HMGB1: variants seen among roughly 807,000 people sequenced by gnomAD.
HMGB1 encodes high mobility group protein B1.
For missense variants in HMGB1, 79 were observed against 253.5 expected (o/e 0.31, Z 4.67); for synonymous variants, 81 against 84.0 (o/e 0.96, Z 0.19).
chr13:30,591,780 C>T (rs1050819106), intron 1 of HMGB1, among the ~76,000 whole-genome samples: 10 of 152,242 alleles, frequency 6.6e-5, no homozygotes, highest in African/African-American at 2.2e-4. Flanking sequence ...CTGGCCACAA[C>T]AGGGATTTTT....
rs1555231092 is a variant in HMGB1, at chr13:30,456,762, G to GGGGGC, written c.*4594_*4595insGCCCC. 9.6e-6 allele frequency: 1 copy of GGGGGC among 104,556 alleles called. No homozygotes were observed. The highest frequency in any genetic ancestry group is 2.0e-5 in the Non-Finnish European group (1 of 51,116). 6.5% of individuals were successfully genotyped at this position (104,556 alleles called of 1,614,324 possible). A position where few individuals can be genotyped will look rare whatever the true frequency, so the allele number is the denominator to read the frequency against. On this transcript the variant is annotated 3_prime_UTR_variant, in exon 5 of 5. Transcript: ENST00000341423. ...GCATAAATAACAGCTTTTGTGGGCG[G>GGGGGC]GGGGGGGGGGTGGTGGGGTGCAATT...
At chr13:30,528,241 T>C (rs541994361) in intron 1 of HMGB1, among the ~76,000 whole-genome samples, 2 of 152,164 alleles carry the variant, frequency 1.3e-5, no homozygotes, top group African/African-American at 4.8e-5. Context: ...AGGTGGGGAA[T>C]GAGGTGCAGT....
intron 1 of HMGB1, among the ~76,000 whole-genome samples, chr13:30,477,748 T>G (rs1165931720): frequency 1.3e-5 from 2 of 152,182 alleles, no homozygotes; most frequent in Non-Finnish European, 2.9e-5. Flanking sequence ...TGGATTTGCC[T>G]CTAACTAAAA....
chr13:30,461,580 T>C, intron 4 of HMGB1, 47 bp from the exon 5 acceptor site: 1 of 1,568,824 alleles, frequency 6.4e-7, no homozygotes, highest in South Asian at 1.2e-5. Flanking sequence ...AAAAAAACAT[T>C]AAGGAAAGAA....
intron 1 of HMGB1, chr13:30,554,327 A>T: frequency 1.0e-6 from 1 of 957,668 alleles, no homozygotes. Flanking sequence ...TAGCGAAGGC[A>T]CTGGGTGCAC....
At chr13:30,479,797 T>A (rs1480740022) in intron 1 of HMGB1, among the ~76,000 whole-genome samples, 2 of 152,226 alleles carry the variant, frequency 1.3e-5, no homozygotes, top group African/African-American at 2.4e-5. Flanking sequence ...GTAAATCGCT[T>A]AGAACACTGT....
intron 1 of HMGB1, among the ~76,000 whole-genome samples, chr13:30,476,828 T>C (rs1481074775): frequency 6.7e-6 from 1 of 149,298 alleles, no homozygotes; most frequent in East Asian, 2.0e-4. Context: ...ATCATACCAC[T>C]GTGCTCCAGC....
intron 1 of HMGB1, among the ~76,000 whole-genome samples, chr13:30,514,293 G>A (rs1470984578): frequency 6.6e-6 from 1 of 150,964 alleles, no homozygotes; most frequent in Non-Finnish European, 1.5e-5. Flanking sequence ...TGCAGTAGGG[G>A]TTTAGAGCTC....
chr13:30,474,848 T>C (rs1593264307), intron 1 of HMGB1, among the ~76,000 whole-genome samples: 4 of 145,892 alleles, frequency 2.7e-5, no homozygotes, highest in South Asian at 2.2e-4. Flanking sequence ...CTCTCTCTCT[T>C]TTTTTGTTTT....
intron 1 of HMGB1, among the ~76,000 whole-genome samples, chr13:30,599,573 G>A (rs1160468439): frequency 6.6e-6 from 1 of 152,222 alleles, no homozygotes; most frequent in African/African-American, 2.4e-5. Context: ...GGAAATCTAA[G>A]ATAAAGTTGT....
chr13:30,549,165 T>C (rs9508794), intron 1 of HMGB1, among the ~76,000 whole-genome samples: 95,586 of 151,186 alleles, frequency 0.63, 30,830 homozygotes, highest in Middle Eastern at 0.76. Flanking sequence ...GTCATGCTGG[T>C]ATACACCTGT....
intron 1 of HMGB1, among the ~76,000 whole-genome samples, chr13:30,473,732 G>A (rs1433274382): frequency 6.6e-6 from 1 of 152,136 alleles, no homozygotes; most frequent in East Asian, 1.9e-4. Context: ...GATAGCAGTT[G>A]ACCCAGCAAT....
chr13:30,556,328 C>G (rs961027294), intron 1 of HMGB1, among the ~76,000 whole-genome samples: 1 of 152,058 alleles, frequency 6.6e-6, no homozygotes, highest in African/African-American at 2.4e-5. Flanking sequence ...TGCTTGAGCC[C>G]GAGAGGTGGA....
Position 30,459,375 on chromosome 13 carries a change from C to G in HMGB1, c.*1982G>C, listed in dbSNP as rs568918568. The stretch of plus-strand genomic sequence containing the variant: ...CTTAAAAAAATGGTAGTTGTCATGA[C>G]GTACCTACTAAAGTTACAAATTCTC... On this transcript the variant is annotated 3_prime_UTR_variant, in exon 5 of 5. Coordinates refer to ENST00000341423, the MANE Select transcript of HMGB1 (RefSeq NM_002128.7). 6.6e-6 allele frequency: 1 copy of G among 152,234 alleles called. No homozygotes were observed. Among genetic ancestry groups the G allele is most frequent in the South Asian group, 2.1e-4 (1 of 4,826 alleles). 9.4% of individuals were successfully genotyped at this position (152,234 alleles called of 1,614,324 possible).
intron 1 of HMGB1, among the ~76,000 whole-genome samples, chr13:30,545,932 G>T (rs1431806451): frequency 6.6e-6 from 1 of 152,058 alleles, no homozygotes; most frequent in African/African-American, 2.4e-5. Context: ...GAACTCCTGG[G>T]CTCAAGCGAA....
upstream of HMGB1, among the ~76,000 whole-genome samples, chr13:30,469,916 A>G (rs890777772): frequency 6.6e-6 from 1 of 152,236 alleles, no homozygotes; most frequent in Non-Finnish European, 1.5e-5. Flanking sequence ...GGCATGAGCC[A>G]CTGTGCCCAG....
At chr13:30,536,143 T>G (rs866083074) in intron 1 of HMGB1, among the ~76,000 whole-genome samples, 14 of 152,232 alleles carry the variant, frequency 9.2e-5, no homozygotes, top group Admixed American at 8.5e-4. Context: ...TTTTCTCAAA[T>G]TAAATAGAAG....
chr13:30,464,039 C>A, intron 1 of HMGB1: 1 of 923,884 alleles, frequency 1.1e-6, no homozygotes, highest in South Asian at 4.8e-5. Context: ...CATTTTAAAC[C>A]AACCAAACCA....
intron 1 of HMGB1, among the ~76,000 whole-genome samples, chr13:30,506,437 A>C (rs948331448): frequency 3.3e-5 from 5 of 152,142 alleles, no homozygotes; most frequent in African/African-American, 1.2e-4. Context: ...GACTGAGCCA[A>C]CATTTATTGA....
Sources: gnomAD v4.1 joint callset for allele counts (sites outside exome capture counted in the v4.1 genomes callset) on GRCh38, gnomAD v4.1.1 for gene constraint, MANE v1.5 for transcripts, NCBI Gene and HGNC (gene_info 2026-07-23, HGNC 2026-07-21) for gene names.